The following KCNH5 variants were observed in gnomAD, a reference collection of about 807,000 sequenced individuals.
KCNH5 encodes voltage-gated delayed rectifier potassium channel KCNH5.
A neutral mutation model predicts 96.1 loss-of-function variants in KCNH5; 46 were observed. That is an observed-to-expected ratio of 0.48 (90% CI 0.38 to 0.61). KCNH5 has a LOEUF of 0.61. Ranked by LOEUF, KCNH5 falls within the 20% of genes least tolerant of loss-of-function variation. The probability of loss-of-function intolerance (pLI) is 0.00; values close to 1 mark genes in which losing one functional copy is unlikely to be tolerated. For synonymous variants in KCNH5, 439 were observed against 449.8 expected, an observed-to-expected ratio of 0.98 and a Z score of 0.30; for missense variants, 907 against 1,225.8, an observed-to-expected ratio of 0.74 and a Z score of 3.88.
chr14:62,734,408 A>G (rs544726716), intron 10 of KCNH5, among the ~76,000 whole-genome samples: 1 of 152,254 alleles, frequency 6.6e-6, no homozygotes, highest in Admixed American at 6.5e-5. Context: ...GCTATTGATA[A>G]CAAACCACTT....
Position 62,889,598 on chromosome 14 carries a change from G to A in KCNH5, c.1370-39746C>T, listed in dbSNP as rs542773048. 3.9e-5 allele frequency among the ~76,000 whole-genome samples: 6 copies of A among 152,224 alleles called. No individual in the cohort carries two copies. The East Asian group carries it at 1.2e-3, about 29-fold the overall frequency. On this transcript the variant is annotated intron_variant, in intron 7 of 10. Transcript: ENST00000322893. ...ATGCTGGCCCTGTTCCCATTCCTCT[G>A]CCTCTCCGATTCCTAAGAGAGTAGA... is the stretch of plus-strand genomic sequence containing the variant.
chr14:62,737,160 C>T (rs1378576129), intron 10 of KCNH5, among the ~76,000 whole-genome samples: 1 of 152,176 alleles, frequency 6.6e-6, no homozygotes, highest in Admixed American at 6.5e-5. Context: ...CTCCATTGCT[C>T]TCATTATCTT....
At chr14:62,974,723 T>C (rs1890469863) in intron 6 of KCNH5, among the ~76,000 whole-genome samples, 1 of 152,202 alleles carries the variant, frequency 6.6e-6, no homozygotes, top group Non-Finnish European at 1.5e-5. Context: ...TTCTTTCTTA[T>C]TCCCAAGTCA....
intron 7 of KCNH5, among the ~76,000 whole-genome samples, chr14:62,860,666 T>C (rs1231849665): frequency 2.0e-5 from 3 of 152,176 alleles, no homozygotes; most frequent in African/African-American, 7.2e-5. Flanking sequence ...GCCCATCTTT[T>C]CCCAACTTCT....
At chr14:62,747,780 T>A (rs762640377) in intron 10 of KCNH5, among the ~76,000 whole-genome samples, 20 of 152,214 alleles carry the variant, frequency 1.3e-4, no homozygotes, top group Non-Finnish European at 2.4e-4. Context: ...CCAAATAATT[T>A]AACAAATGTT....
chr14:62,766,496 A>T (rs1161237751), intron 10 of KCNH5, among the ~76,000 whole-genome samples: 1 of 152,206 alleles, frequency 6.6e-6, no homozygotes. Flanking sequence ...CTATTCATCC[A>T]TGATAAAGAA....
At chr14:62,777,859 T>TTGTG (rs56291938) in intron 10 of KCNH5, among the ~76,000 whole-genome samples, 12,912 of 147,166 alleles carry the variant, frequency 0.088, 733 homozygotes, top group Non-Finnish European at 0.12. Flanking sequence ...GTATGTGTAT[T>TTGTG]TGTGTGTGTG....
chr14:62,872,914 G>T (rs755072559), intron 7 of KCNH5, among the ~76,000 whole-genome samples: 3 of 152,134 alleles, frequency 2.0e-5, no homozygotes, highest in Non-Finnish European at 2.9e-5. Flanking sequence ...ACTTTGGGAG[G>T]CCAAGGCTGG....
rs531680418 is a variant in KCNH5, at chr14:62,747,313, C to A, written c.2019+32415G>T. 2.1e-4 allele frequency among the ~76,000 whole-genome samples: 32 copies of A among 149,900 alleles called. 2 individuals are homozygous for A. In the South Asian group the frequency reaches 6.6e-3, roughly 31 times the overall value. On this transcript the variant is annotated intron_variant, in intron 10 of 10. Transcript: ENST00000322893. ...TTGTGCCATTGCACTCCAGCCTGGGCAACAAGAGTGAAACTTTGTCTCAAA... is the reference window on the plus strand; with the variant it reads ...TTGTGCCATTGCACTCCAGCCTGGGAAACAAGAGTGAAACTTTGTCTCAAA...
Position 62,799,445 on chromosome 14 carries a change from T to A in KCNH5, c.1822+2884A>T, listed in dbSNP as rs372067340. ...AAAATTAGCCGGGCGTGGTGGTGCA[T>A]GCCTGTAATCCCAGCTACTTGGGAG... On this transcript the variant is annotated intron_variant, in intron 9 of 10. Transcript: ENST00000322893. Among the ~76,000 whole-genome samples the A allele has an allele frequency of 1.9e-4, 29 of 150,810 alleles. No homozygotes were observed. The East Asian group carries it at 4.9e-3, about 26-fold the overall frequency.
intron 7 of KCNH5, among the ~76,000 whole-genome samples, chr14:62,947,961 A>C (rs1192967449): frequency 1.3e-5 from 2 of 151,814 alleles, no homozygotes; most frequent in Non-Finnish European, 2.9e-5. Context: ...ATATCTCCCA[A>C]TGCTATCCCT....
chr14:62,741,876 A>G (rs1346239110), intron 10 of KCNH5, among the ~76,000 whole-genome samples: 1 of 152,172 alleles, frequency 6.6e-6, no homozygotes, highest in South Asian at 2.1e-4. Context: ...GTTCTGCCAA[A>G]ATTGCCCATG....
At chr14:62,828,866 C>T (rs1201599520) in intron 8 of KCNH5, among the ~76,000 whole-genome samples, 1 of 152,142 alleles carries the variant, frequency 6.6e-6, no homozygotes, top group African/African-American at 2.4e-5. Context: ...TCCAAAGTCT[C>T]ATCTTAGACA....
chr14:62,735,984 G>A (rs910358656), intron 10 of KCNH5, among the ~76,000 whole-genome samples: 1 of 152,276 alleles, frequency 6.6e-6, no homozygotes, highest in African/African-American at 2.4e-5. Context: ...AGACAAGGAA[G>A]GATTCTTCTC....
intron 3 of KCNH5, among the ~76,000 whole-genome samples, chr14:63,005,313 T>C (rs1274510085): frequency 6.6e-6 from 1 of 152,220 alleles, no homozygotes; most frequent in African/African-American, 2.4e-5. Flanking sequence ...ACGCTGTTAT[T>C]CCTTTGTTAG....
intron 7 of KCNH5, among the ~76,000 whole-genome samples, chr14:62,875,056 CAGAG>C (rs1252941921): frequency 8.0e-6 from 1 of 124,346 alleles, no homozygotes; most frequent in Non-Finnish European, 1.7e-5. Context: ...AACAGACAAA[CAGAG>C]AGCCAAATCA....
intron 7 of KCNH5, among the ~76,000 whole-genome samples, chr14:62,902,197 G>A (rs530427959): frequency 3.6e-4 from 54 of 148,966 alleles, no homozygotes; most frequent in Non-Finnish European, 7.4e-4. Flanking sequence ...CTTTTGCTAT[G>A]CATAACCTGT....
rs113937833 is a variant in KCNH5 at position 62,813,774 on chromosome 14, T to G, written c.1570-11193A>C. Among the ~76,000 whole-genome samples the G allele has an allele frequency of 1.5e-3, 228 of 152,320 alleles. 1 individual carries two copies. Among genetic ancestry groups the G allele is most frequent in the African/African-American group, 5.3e-3 (220 of 41,572 alleles). ...GAGTCAGGCAAGTGACATTTGCACATAAAATATTTTTACAATCCTTCCTGG... is the reference window on the plus strand; with the variant it reads ...GAGTCAGGCAAGTGACATTTGCACAGAAAATATTTTTACAATCCTTCCTGG... On this transcript the variant is annotated intron_variant, in intron 8 of 10. Coordinates refer to ENST00000322893, the MANE Select transcript of KCNH5 (RefSeq NM_139318.5).
intron 7 of KCNH5, among the ~76,000 whole-genome samples, chr14:62,943,054 G>A (rs934727483): frequency 1.3e-5 from 2 of 152,070 alleles, no homozygotes; most frequent in African/African-American, 4.8e-5. Context: ...GTACTTAACA[G>A]TGTACTAAAA....
Sources: gnomAD v4.1 joint callset for allele counts (sites outside exome capture counted in the v4.1 genomes callset) on GRCh38, gnomAD v4.1.1 for gene constraint, MANE v1.5 for transcripts, NCBI Gene and HGNC (gene_info 2026-07-23, HGNC 2026-07-21) for gene names.